DPP10: variants seen among roughly 807,000 people sequenced by gnomAD.
The protein encoded by DPP10 is inactive dipeptidyl peptidase 10.
DPP10 carries 33 observed loss-of-function variants against 120.9 expected under a neutral mutation model. The observed-to-expected ratio is 0.27, with a 90% CI of 0.21 to 0.37. The LOEUF is 0.37. Among genes scored for constraint, DPP10 ranks in the 10% least tolerant of loss-of-function variants. DPP10 has a pLI of 1.00. For missense variants in DPP10, 816 were observed against 942.8 expected (o/e 0.87, Z 1.76); for synonymous variants, 337 against 326.1 (o/e 1.03, Z -0.36).
intron 1 of DPP10, among the ~76,000 whole-genome samples, chr2:115,280,986 G>A (rs1454478897): frequency 6.6e-6 from 1 of 152,126 alleles, no homozygotes; most frequent in African/African-American, 2.4e-5. Context: ...AGATGAAACT[G>A]GAATCCAATC....
chr2:114,942,320 T>TATATACACAC (rs869121143), intron 1 of DPP10, among the ~76,000 whole-genome samples: 1 of 123,980 alleles, frequency 8.1e-6, no homozygotes, highest in African/African-American at 3.1e-5. Flanking sequence ...TATATATATA[T>TATATACACAC]ACACACACAT....
chr2:114,597,727 T>C (rs1558918861), intron 1 of DPP10, among the ~76,000 whole-genome samples: 1 of 152,042 alleles, frequency 6.6e-6, no homozygotes, highest in East Asian at 1.9e-4. Context: ...GTGTTTGTAG[T>C]CTCAAAGATA....
intron 1 of DPP10, among the ~76,000 whole-genome samples, chr2:114,684,033 T>C (rs1699206351): frequency 6.6e-6 from 1 of 152,128 alleles, no homozygotes; most frequent in South Asian, 2.1e-4. Flanking sequence ...TCAAAGATTC[T>C]CACTGCCTCA....
intron 21 of DPP10, among the ~76,000 whole-genome samples, chr2:115,816,366 T>C (rs903833531): frequency 1.3e-5 from 2 of 152,140 alleles, no homozygotes; most frequent in African/African-American, 2.4e-5. Flanking sequence ...AAATGGACGC[T>C]GGTCAAATAA....
chr2:115,805,510 C>G (rs1350039009), intron 19 of DPP10, among the ~76,000 whole-genome samples: 1 of 151,736 alleles, frequency 6.6e-6, no homozygotes, highest in Non-Finnish European at 1.5e-5. Flanking sequence ...AATCACCCGT[C>G]TTCTGCGTGG....
At chr2:114,639,689 C>T (rs1677656919) in intron 1 of DPP10, among the ~76,000 whole-genome samples, 1 of 151,770 alleles carries the variant, frequency 6.6e-6, no homozygotes, top group Admixed American at 6.6e-5. Flanking sequence ...ATAAAACAAG[C>T]AAGTTGTCAA....
chr2:114,951,830 T>C (rs1697809692), intron 1 of DPP10, among the ~76,000 whole-genome samples: 1 of 152,070 alleles, frequency 6.6e-6, no homozygotes, highest in African/African-American at 2.4e-5. Context: ...TGTCTACCTA[T>C]TGACAACAAA....
At chr2:115,111,099 T>C (rs2049192694) in intron 1 of DPP10, among the ~76,000 whole-genome samples, 1 of 152,202 alleles carries the variant, frequency 6.6e-6, no homozygotes, top group Non-Finnish European at 1.5e-5. Flanking sequence ...AAAGTTCTAA[T>C]GCTCAAAAGA....
intron 4 of DPP10, among the ~76,000 whole-genome samples, chr2:115,519,983 A>G (rs957652369): frequency 2.0e-5 from 3 of 152,186 alleles, no homozygotes; most frequent in Non-Finnish European, 4.4e-5. Context: ...AAAACTAATA[A>G]TGAGATTGAG....
At chr2:114,948,558 ATAAT>A (rs756660438) in intron 1 of DPP10, among the ~76,000 whole-genome samples, 4 of 152,182 alleles carry the variant, frequency 2.6e-5, no homozygotes, top group Non-Finnish European at 5.9e-5. Flanking sequence ...ATAATTTTAA[ATAAT>A]TAAACATTTC....
Position 115,216,565 on chromosome 2 carries a change from C to T in DPP10, c.61-92674C>T, listed in dbSNP as rs548619890. On this transcript the variant is annotated intron_variant, in intron 1 of 25. Coordinates refer to ENST00000410059, the MANE Select transcript of DPP10 (RefSeq NM_020868.6). ...TTGGGAGGCCGAGGCAGGTGGATCA[C>T]CTGAGGCCAGGAGTTCGAGAGAAGC... is the stretch of plus-strand genomic sequence containing the variant. Among the ~76,000 whole-genome samples, 3 of 152,196 alleles carry T rather than the reference C, an allele frequency of 2.0e-5. No individual in the cohort carries two copies. The East Asian group carries it at 5.8e-4, about 30-fold the overall frequency.
At chr2:115,686,337 A>C (rs968435150) in intron 5 of DPP10, among the ~76,000 whole-genome samples, 12 of 152,028 alleles carry the variant, frequency 7.9e-5, no homozygotes, top group African/African-American at 2.9e-4. Flanking sequence ...GTTGTTGGCT[A>C]TGAGTTCAAT....
intron 1 of DPP10, among the ~76,000 whole-genome samples, chr2:114,819,510 A>G (rs1249589444): frequency 6.6e-6 from 1 of 152,220 alleles, no homozygotes; most frequent in Non-Finnish European, 1.5e-5. Flanking sequence ...AAATGGTCCA[A>G]CAGTTACAAA....
rs369527836 is a variant in DPP10 at position 115,763,927 on chromosome 2, G to C, written c.1113+1317G>C. Among the ~76,000 whole-genome samples the C allele has an allele frequency of 2.6e-5, 4 of 151,998 alleles. No individual in the cohort carries two copies. The South Asian group carries it at 8.3e-4, about 32-fold the overall frequency. On this transcript the variant is annotated intron_variant, in intron 12 of 25. Coordinates refer to ENST00000410059, the MANE Select transcript of DPP10 (RefSeq NM_020868.6). ...GCTACATGGACCCTCATATGCACAG[G>C]GACTTCATAAGTGCCCTTCCTTCTG... is the stretch of plus-strand genomic sequence containing the variant.
At position 114,454,342 on chromosome 2, in the gene DPP10, T is replaced by A. The variant is rs1678447797; in HGVS notation, c.60+11504T>A. On this transcript the variant is annotated intron_variant, in intron 1 of 25. Coordinates refer to ENST00000410059, the MANE Select transcript of DPP10 (RefSeq NM_020868.6). ...GGTACTTTTATGAGATATCTCTAGT[T>A]CCTACAGTGACTTAGTAGTAATTAT... Among the ~76,000 whole-genome samples, 3 of 152,198 alleles carry A rather than the reference T, an allele frequency of 2.0e-5. No homozygotes were observed. In the South Asian group the frequency reaches 6.2e-4, roughly 31 times the overall value.
At chr2:115,166,049 T>A (rs1387594004) in intron 1 of DPP10, among the ~76,000 whole-genome samples, 1 of 152,240 alleles carries the variant, frequency 6.6e-6, no homozygotes, top group Non-Finnish European at 1.5e-5. Context: ...CTCTGAAATA[T>A]CGATGTGCTT....
At position 115,753,280 on chromosome 2, in the gene DPP10, A is replaced by G. The variant is rs1304462675; in HGVS notation, c.1057A>G (p.Thr353Ala). The change falls in exon 11 of 26, where the codon ACA becomes GCA. Residue 353 changes from threonine to alanine, a missense_variant. This residue lies in a region of DPP10 where 592 missense variants were observed against 649.0 expected (regional missense o/e 0.91). Transcript: ENST00000410059. ...ISILTVCETT[T>A]GACSKKYEMT... ...CATCCTCACAGTCTGTGAGACCACT[A>G]CAGGTGCTTGTAGTAAAGTGAGTAT... 1 of 1,602,622 alleles carries G rather than the reference A, an allele frequency of 6.2e-7. No homozygotes were observed. Among genetic ancestry groups the G allele is most frequent in the African/African-American group, 1.3e-5 (1 of 74,768 alleles).
intron 5 of DPP10, among the ~76,000 whole-genome samples, chr2:115,589,405 T>G (rs1367763290): frequency 6.6e-6 from 1 of 152,208 alleles, no homozygotes; most frequent in Non-Finnish European, 1.5e-5. Flanking sequence ...AATCACAGTC[T>G]AAATGCTGAT....
chr2:115,539,335 T>A (rs145226721), intron 5 of DPP10, among the ~76,000 whole-genome samples: 2 of 152,116 alleles, frequency 1.3e-5, no homozygotes, highest in African/African-American at 4.8e-5. Flanking sequence ...GCCCTTGATA[T>A]GAAATGGTGC....
Sources: allele counts gnomAD v4.1 joint callset (sites outside exome capture counted in the v4.1 genomes callset), GRCh38; gene constraint gnomAD v4.1.1; regional missense constraint gnomAD v4.1.1; transcripts MANE v1.5; gene names NCBI Gene and HGNC (gene_info 2026-07-23, HGNC 2026-07-21).